MUC3A: variants seen among roughly 807,000 people sequenced by gnomAD.
MUC3A encodes the protein mucin 3A, cell surface associated.
Under a neutral mutation model 109.0 loss-of-function variants are expected in MUC3A, and 109 were observed. The observed-to-expected ratio is 1.00, with a 90% CI of 0.86 to 1.17. The LOEUF is 1.17. MUC3A is among the 50% of genes most tolerant of loss of function. MUC3A has a pLI of 0.00. For missense variants in MUC3A, 3,537 were observed against 2,469.4 expected, an observed-to-expected ratio of 1.43 and a Z score of -9.16; for synonymous variants, 1,398 against 981.4, an observed-to-expected ratio of 1.42 and a Z score of -7.93.
intron 7 of MUC3A, 51 bp from the exon 8 acceptor site, chr7:100,965,653 A>T (rs144935865): frequency 1.3e-6 from 2 of 1,565,832 alleles, no homozygotes; most frequent in African/African-American, 2.7e-5. Context: ...AGGCCCCTGA[A>T]TAGAATGGAT....
In MUC3A at chr7:100,952,177, G is replaced by A. The variant is rs1036579545; in HGVS notation, c.398G>A (p.Ser133Asn). 2 of 1,598,520 alleles carry A rather than the reference G, an allele frequency of 1.3e-6. No homozygotes were observed. The highest frequency in any genetic ancestry group is 1.1e-5 in the South Asian group (1 of 91,090). Residue 133 changes from serine to asparagine, a missense_variant, in exon 2 of 12, where the codon AGC becomes AAC. Coordinates refer to ENST00000379458, the MANE Select transcript of MUC3A (RefSeq NM_005960.2). The part of the protein sequence containing the change: ...SATTECVYPT[S>N]FIITISHPTS... ...ACCACTGAGTGCGTGTATCCAACGAGCTTTATAATCACCATCTCCCACCCC... is the reference window on the plus strand; with the variant it reads ...ACCACTGAGTGCGTGTATCCAACGAACTTTATAATCACCATCTCCCACCCC...
At position 100,959,652 on chromosome 7, in the gene MUC3A, T is replaced by C; in HGVS notation, c.7873T>C (p.Ser2625Pro). 1 of 1,598,526 alleles carries C rather than the reference T, an allele frequency of 6.3e-7. No individual in the cohort carries two copies. The highest frequency in any genetic ancestry group is 8.5e-7 in the Non-Finnish European group (1 of 1,179,796). ...TPSTALSTIVSTSQVPIPSTH... is the reference protein window; with the variant it reads ...TPSTALSTIVPTSQVPIPSTH... ...ATCAACAGCCTTGAGCACGATCGTG[T>C]CAACATCACAGGTTCCTATTCCTAG... Residue 2625 changes from serine (S) to proline (P), a missense_variant, in exon 2 of 12, where the codon TCA becomes CCA. Physicochemically the swap from Ser to Pro is moderately conservative, Grantham distance 74. Coordinates refer to ENST00000379458, the MANE Select transcript of MUC3A (RefSeq NM_005960.2).
Position 100,957,670 on chromosome 7 carries a change from C to G in MUC3A, c.5891C>G (p.Thr1964Ser). The change falls in exon 2 of 12, where the codon ACC becomes AGC. Residue 1964 changes from threonine to serine, a missense_variant. Transcript: ENST00000379458. Reference protein sequence around the residue: ...SSPSFTSSITTTETTSHNTPS... With the variant: ...SSPSFTSSITSTETTSHNTPS... ...CCCAGCTTCACTTCTTCGATCACCA[C>G]CACCGAGACCACATCCCACAATACT... 1 of 1,505,794 alleles carries G rather than the reference C, an allele frequency of 6.6e-7. No individual in the cohort carries two copies. Among genetic ancestry groups the G allele is most frequent in the Non-Finnish European group, 9.1e-7 (1 of 1,104,382 alleles). 93.3% of individuals were successfully genotyped at this position (1,505,794 alleles called of 1,614,324 possible).
rs751652961 is a variant in MUC3A at position 100,960,481 on chromosome 7, C to A, written c.8702C>A (p.Thr2901Asn). ...LTMKPSSSLP[T>N]ILRTSSKSTH... is the part of the protein sequence containing the mutation. ...ATGAAACCAAGCAGTAGCCTCCCGA[C>A]CATCCTGAGGACTTCAAGCAAGTCA... The change falls in exon 2 of 12, where the codon ACC becomes AAC. Residue 2901 changes from threonine (T) to asparagine (N), a missense_variant. Physicochemically the swap from Thr to Asn is moderately conservative, Grantham distance 65. Transcript: ENST00000379458. 1.3e-6 allele frequency: 2 copies of A among 1,598,558 alleles called. No homozygotes were observed. The highest frequency in any genetic ancestry group is 1.3e-5 in the African/African-American group (1 of 74,964).
In MUC3A at chr7:100,958,031, G is replaced by T; in HGVS notation, c.6252G>T (p.Glu2084Asp). 9.8e-6 allele frequency: 11 copies of T among 1,117,522 alleles called. No homozygotes were observed. The highest frequency in any genetic ancestry group is 1.5e-5 in the Non-Finnish European group (11 of 743,510). 69.2% of individuals were successfully genotyped at this position (1,117,522 alleles called of 1,614,324 possible). The part of the protein sequence containing the change: ...LSYTTSITTT[E>D]TPSHSTLSFT... ...ACACTACCTCAATCACCACCACCGAGACCCCCTCACACAGTACTCTCAGCT... is the reference window on the plus strand; with the variant it reads ...ACACTACCTCAATCACCACCACCGATACCCCCTCACACAGTACTCTCAGCT... Residue 2084 changes from glutamate (E) to aspartate (D), a missense_variant, in exon 2 of 12, where the codon GAG (glutamate) becomes GAT (aspartate). Physicochemically the swap from Glu to Asp is conservative, Grantham distance 45. Transcript: ENST00000379458.
rs751411912 is a variant in MUC3A, at chr7:100,952,814, A to C, written c.1035A>C (p.Thr345=). 6.5e-7 allele frequency: 1 copy of C among 1,541,634 alleles called. No homozygotes were observed. The highest frequency in any genetic ancestry group is 8.7e-7 in the Non-Finnish European group (1 of 1,149,356). ...TYTTSPTSTV[T]DSTTKIAYST... is the part of the protein sequence containing the mutation. ...CTACTTCTCCCACCAGCACTGTCAC[A>C]GACTCCACTACCAAAATCGCCTACT... The change falls in exon 2 of 12, where the codon ACA becomes ACC. Residue 345 remains threonine, a synonymous_variant. Transcript: ENST00000379458.
chr7:100,957,048 G>T lies in MUC3A; in HGVS notation c.5269G>T (p.Val1757Leu). 1 of 459,406 alleles carries T rather than the reference G, an allele frequency of 2.2e-6. No individual in the cohort carries two copies. Among genetic ancestry groups the T allele is most frequent in the Non-Finnish European group, 3.8e-6 (1 of 261,194 alleles). 28.5% of individuals were successfully genotyped at this position (459,406 alleles called of 1,614,324 possible). The change falls in exon 2 of 12, where the codon GTG becomes TTG. Residue 1757 changes from valine (V) to leucine (L), a missense_variant. Physicochemically the swap from Val to Leu is conservative, Grantham distance 32 (BLOSUM62 1). Transcript: ENST00000379458. ...TTCCACAGGATCTTTCAAAACAGCC[G>T]TGAGTTCTACTCCCCCCATCACTTC... Reference protein sequence around the residue: ...DISTGSFKTAVSSTPPITSSI... With the variant: ...DISTGSFKTALSSTPPITSSI...
chr7:100,961,140 C>G (rs1195888960), intron 3 of MUC3A: 9 of 924,364 alleles, frequency 9.7e-6, no homozygotes, highest in Non-Finnish European at 1.2e-5. Context: ...GGACTACCCT[C>G]CCTCCTGGGC....
At chr7:100,966,237 G>GGGTGTAGACCCGTCCGCTTGTTCTAC in intron 8 of MUC3A, 149 bp from the exon 9 acceptor site, 1 of 663,560 alleles carries the variant, frequency 1.5e-6, no homozygotes, top group Non-Finnish European at 2.1e-6. Context: ...CCTCGTTCTA[G>GGGTGTAGACCCGTCCGCTTGTTCTAC]GGTGGATTCC....
chr7:100,959,526 G>T lies in MUC3A; in HGVS notation c.7747G>T (p.Val2583Leu). Residue 2583 changes from valine (V) to leucine (L), a missense_variant, in exon 2 of 12, where the codon GTA becomes TTA. By Grantham distance (32) the Val-to-Leu change is conservative (BLOSUM62 1). Coordinates refer to ENST00000379458, the MANE Select transcript of MUC3A (RefSeq NM_005960.2). ...TGAAACCCCAACACAGACCCCTCCT[G>T]TACTGACGTCAGCCACTGGGACCCA... ...IPETPTQTPP[V>L]LTSATGTQTS... The T allele has an allele frequency of 1.3e-6, 2 of 1,591,114 alleles. No individual in the cohort carries two copies. The highest frequency in any genetic ancestry group is 1.7e-6 in the Non-Finnish European group (2 of 1,176,464).
At chr7:100,966,273 C>G (rs1792549730) in intron 8 of MUC3A, 113 bp from the exon 9 acceptor site, 17 of 1,210,980 alleles carry the variant, frequency 1.4e-5, no homozygotes, top group Non-Finnish European at 1.7e-5. Context: ...GGTGGAACCC[C>G]CCGCTGCCCT....
In MUC3A at chr7:100,955,112, A is replaced by G; in HGVS notation, c.3333A>G (p.Thr1111=). 1 of 620,086 alleles carries G rather than the reference A, an allele frequency of 1.6e-6. No homozygotes were observed. Among genetic ancestry groups the G allele is most frequent in the Non-Finnish European group, 2.9e-6 (1 of 347,304 alleles). 38.4% of individuals were successfully genotyped at this position (620,086 alleles called of 1,614,324 possible). Residue 1111 remains threonine (T), a synonymous_variant, in exon 2 of 12, where the codon ACA becomes ACG. Coordinates refer to ENST00000379458, the MANE Select transcript of MUC3A (RefSeq NM_005960.2). ...EITYSTSITG[T]LSTATTLPPT... is the part of the protein sequence containing the mutation. ...CCTATTCCACAAGTATAACAGGTAC[A>G]TTGTCCACTGCCACTACTCTCCCAC...
chr7:100,964,087 G>C (rs1369549227), intron 5 of MUC3A: 3 of 494,646 alleles, frequency 6.1e-6, no homozygotes, highest in Non-Finnish European at 1.1e-5. Flanking sequence ...GAAAGAGAGA[G>C]AGGGAGAGAA....
At position 100,966,478 on chromosome 7, in the gene MUC3A, C is replaced by T. The variant is rs114167943; in HGVS notation, c.9704C>T (p.Ala3235Val). The change falls in exon 9 of 12, where the codon GCC becomes GTC. Residue 3235 changes from alanine to valine, a missense_variant. Ala to Val is a moderately conservative substitution (Grantham distance 64, BLOSUM62 0). Transcript: ENST00000379458. ...CTGGTCGGGGGCCTGACGGCCGGCGCCGCGCTGCTGGTGCTGCTGCTGCTG... is the reference window on the plus strand; with the variant it reads ...CTGGTCGGGGGCCTGACGGCCGGCGTCGCGCTGCTGGTGCTGCTGCTGCTG... ...RALVGGLTAG[A>V]ALLVLLLLAL... The T allele has an allele frequency of 0.029, 38,648 of 1,313,316 alleles. 4 individuals carry two copies. The highest frequency in any genetic ancestry group is 0.2 in the African/African-American group (12,560 of 62,724). 81.4% of individuals were successfully genotyped at this position (1,313,316 alleles called of 1,614,324 possible). A position where few individuals can be genotyped will look rare whatever the true frequency, so the allele number is the denominator to read the frequency against.
rs1224994226 is a variant in MUC3A, at chr7:100,960,338, G to A, written c.8559G>A (p.Gly2853=). The change falls in exon 2 of 12, where the codon GGG becomes GGA. Residue 2853 remains glycine, a synonymous_variant. Coordinates refer to ENST00000379458, the MANE Select transcript of MUC3A (RefSeq NM_005960.2). ...ATGCTTCCAGTTCCACTGGCACTGG[G>A]ACTGTACCCACAAACACAGTTTTCA... ...SPNASSSTGT[G]TVPTNTVFTS... is the part of the protein sequence containing the mutation. 1.3e-6 allele frequency: 2 copies of A among 1,598,552 alleles called. No individual in the cohort carries two copies. The highest frequency in any genetic ancestry group is 1.1e-5 in the South Asian group (1 of 91,092).
In MUC3A at chr7:100,953,524, C is replaced by T; in HGVS notation, c.1745C>T (p.Thr582Ile). ...PTTTTSFTTS[T>I]TMEPPSTTAA... ...ACCACCACCTCATTCACAACTTCCA[C>T]AACTATGGAACCACCTTCAACCACT... The change falls in exon 2 of 12, where the codon ACA becomes ATA. Residue 582 changes from threonine (T) to isoleucine (I), a missense_variant. Coordinates refer to ENST00000379458, the MANE Select transcript of MUC3A (RefSeq NM_005960.2). 1 of 403,360 alleles carries T rather than the reference C, an allele frequency of 2.5e-6. No homozygotes were observed. Among genetic ancestry groups the T allele is most frequent in the Non-Finnish European group, 4.2e-6 (1 of 236,180 alleles). The allele number at this position is 403,360 out of a possible 1,614,324, so 25.0% of individuals were successfully genotyped here. A position where few individuals can be genotyped will look rare whatever the true frequency, so the allele number is the denominator to read the frequency against.
rs1563069097 is a variant in MUC3A at position 100,959,647 on chromosome 7, T to A, written c.7868T>A (p.Ile2623Asn). The A allele has an allele frequency of 6.3e-7, 1 of 1,598,526 alleles. No individual in the cohort carries two copies. Among genetic ancestry groups the A allele is most frequent in the Non-Finnish European group, 8.5e-7 (1 of 1,179,800 alleles). ...ACTCCATCAACAGCCTTGAGCACGA[T>A]CGTGTCAACATCACAGGTTCCTATT... ...TLTPSTALST[I>N]VSTSQVPIPS... Residue 2623 changes from isoleucine (I) to asparagine (N), a missense_variant, in exon 2 of 12, where the codon ATC becomes AAC. By Grantham distance (149) the Ile-to-Asn change is moderately radical (BLOSUM62 -3). Coordinates refer to ENST00000379458, the MANE Select transcript of MUC3A (RefSeq NM_005960.2).
In MUC3A at chr7:100,960,033, C is replaced by T. The variant is rs746970474; in HGVS notation, c.8254C>T (p.Leu2752Phe). ...AACCAGCTCCTCTCTGACCACAGCT[C>T]TCACTGAAATAACCCCCTTTTCTTA... The part of the protein sequence containing the change: ...SSTSSSLTTA[L>F]TEITPFSYIS... The change falls in exon 2 of 12, where the codon CTC (leucine) becomes TTC (phenylalanine). Residue 2752 changes from leucine (L) to phenylalanine (F), a missense_variant. Leu to Phe is a conservative substitution (Grantham distance 22). Transcript: ENST00000379458. 24 of 1,509,594 alleles carry T rather than the reference C, an allele frequency of 1.6e-5. No homozygotes were observed. The East Asian group carries it at 4.7e-4, about 30-fold the overall frequency. 93.5% of individuals were successfully genotyped at this position (1,509,594 alleles called of 1,614,324 possible).
chr7:100,958,008 A>G lies in MUC3A; in HGVS notation c.6229A>G (p.Thr2077Ala), dbSNP rs1792147014. 10 of 896,608 alleles carry G rather than the reference A, an allele frequency of 1.1e-5. No homozygotes were observed. The allele number at this position is 896,608 out of a possible 1,614,324, so 55.5% of individuals were successfully genotyped here. Residue 2077 changes from threonine (T) to alanine (A), a missense_variant, in exon 2 of 12, where the codon ACT (threonine) becomes GCT (alanine). Thr to Ala is a moderately conservative substitution (Grantham distance 58). Coordinates refer to ENST00000379458, the MANE Select transcript of MUC3A (RefSeq NM_005960.2). ...EITSHSTLSY[T>A]TSITTTETPS... ...CACCTCACACAGTACTCTCAGCTAC[A>G]CTACCTCAATCACCACCACCGAGAC... is the stretch of plus-strand genomic sequence containing the variant.
Sources: gnomAD v4.1 joint callset for allele counts on GRCh38, gnomAD v4.1.1 for gene constraint, MANE v1.5 for transcripts, NCBI Gene and HGNC (gene_info 2026-07-23, HGNC 2026-07-21) for gene names.